The following SLC44A1 variants were observed in gnomAD, a reference collection of about 807,000 sequenced individuals.
SLC44A1 encodes the protein choline transporter-like protein 1.
SLC44A1 carries 26 observed loss-of-function variants against 79.3 expected under a neutral mutation model. The observed-to-expected ratio is 0.33, with a 90% CI of 0.24 to 0.46. The LOEUF is 0.46. SLC44A1 is among the 20% of genes least tolerant of loss of function. SLC44A1 has a pLI of 1.00. For missense variants in SLC44A1, 688 were observed against 798.1 expected (o/e 0.86, Z 1.66); for synonymous variants, 263 against 286.2 (o/e 0.92, Z 0.82).
At chr9:105,415,397 C>T (rs542241882) in intron 15 of SLC44A1, among the ~76,000 whole-genome samples, 2 of 152,288 alleles carry the variant, frequency 1.3e-5, no homozygotes, top group Non-Finnish European at 2.9e-5. Flanking sequence ...TTTAACAAAC[C>T]CCAACCCAGT....
At chr9:105,358,890 T>C (rs1285319482) in intron 7 of SLC44A1, among the ~76,000 whole-genome samples, 1 of 152,152 alleles carries the variant, frequency 6.6e-6, no homozygotes, top group East Asian at 1.9e-4. Flanking sequence ...CACAGTTGTT[T>C]TCAGAAAATA....
At chr9:105,329,621 C>G (rs999048969) in intron 3 of SLC44A1, among the ~76,000 whole-genome samples, 2 of 152,072 alleles carry the variant, frequency 1.3e-5, no homozygotes, top group East Asian at 3.9e-4. Context: ...TACGTGTTGC[C>G]TAATGGAAGA....
intron 15 of SLC44A1, among the ~76,000 whole-genome samples, chr9:105,419,136 G>T (rs984170269): frequency 6.6e-6 from 1 of 152,156 alleles, no homozygotes; most frequent in Admixed American, 6.5e-5. Context: ...GCTAGAGTTA[G>T]CATAGAGACA....
At position 105,354,039 on chromosome 9, in the gene SLC44A1, CTTTTTT is replaced by C. The variant is rs556502972; in HGVS notation, c.501-2149_501-2144del. Among the ~76,000 whole-genome samples the C allele has an allele frequency of 8.4e-3, 828 of 98,330 alleles. 5 individuals carry two copies. The highest frequency in any genetic ancestry group is 0.04 in the African/African-American group (792 of 19,618). 64.5% of individuals were successfully genotyped at this position (98,330 alleles called of 152,430 possible). ...TTGACTTAGAAATTTACAGTTAATC[CTTTTTT>C]TTTTTTTTTTTTTTTTTTTTTTTGA... On this transcript the variant is annotated intron_variant, in intron 5 of 15. Transcript: ENST00000374720.
At chr9:105,430,004 C>T (rs1829372130) in intron 15 of SLC44A1, among the ~76,000 whole-genome samples, 2 of 152,014 alleles carry the variant, frequency 1.3e-5, no homozygotes, top group Middle Eastern at 3.2e-3. Context: ...CTCCTCCTGC[C>T]TCAGTGATCC....
At chr9:105,278,032 G>A (rs1016743562) in intron 1 of SLC44A1, among the ~76,000 whole-genome samples, 1 of 151,292 alleles carries the variant, frequency 6.6e-6, no homozygotes, top group African/African-American at 2.4e-5. Flanking sequence ...TTAATCCATT[G>A]TTTCAATACA....
At chr9:105,279,312 G>T (rs1008709030) in intron 1 of SLC44A1, among the ~76,000 whole-genome samples, 6 of 146,986 alleles carry the variant, frequency 4.1e-5, no homozygotes, top group Non-Finnish European at 9.0e-5. Flanking sequence ...ACTAGGAAAA[G>T]AAAACTTTTT....
At chr9:105,353,789 A>G (rs1167692458) in intron 5 of SLC44A1, among the ~76,000 whole-genome samples, 2 of 152,206 alleles carry the variant, frequency 1.3e-5, no homozygotes, top group Admixed American at 6.5e-5. Flanking sequence ...TAAATCACAC[A>G]TGATAGGGTA....
At chr9:105,385,300 CTA>C in intron 14 of SLC44A1, 120 bp from the exon 15 acceptor site, 3 of 674,074 alleles carry the variant, frequency 4.5e-6, no homozygotes, top group South Asian at 3.9e-5. Context: ...TTATTTATTG[CTA>C]TGTTTTTAAG....
chr9:105,359,908 C>T (rs1827729968), intron 7 of SLC44A1, among the ~76,000 whole-genome samples: 1 of 152,172 alleles, frequency 6.6e-6, no homozygotes, highest in African/African-American at 2.4e-5. Flanking sequence ...CCTTTGATCT[C>T]ATTAACTCTT....
chr9:105,289,785 A>G (rs1419990051), intron 1 of SLC44A1, among the ~76,000 whole-genome samples: 1 of 151,644 alleles, frequency 6.6e-6, no homozygotes, highest in Non-Finnish European at 1.5e-5. Context: ...ATAAGTCATT[A>G]TAAGTCAGTT....
At chr9:105,426,161 C>G (rs1170995830) in intron 15 of SLC44A1, among the ~76,000 whole-genome samples, 1 of 152,098 alleles carries the variant, frequency 6.6e-6, no homozygotes, top group Non-Finnish European at 1.5e-5. Context: ...TCTATATAAA[C>G]CATTTAATAC....
intron 1 of SLC44A1, among the ~76,000 whole-genome samples, chr9:105,247,958 G>T (rs910451948): frequency 2.0e-5 from 3 of 152,134 alleles, no homozygotes; most frequent in African/African-American, 7.2e-5. Flanking sequence ...TGTTCTTTCA[G>T]TGGTACCATC....
chr9:105,277,869 C>T (rs1208334080), intron 1 of SLC44A1, among the ~76,000 whole-genome samples: 1 of 152,206 alleles, frequency 6.6e-6, no homozygotes, highest in Non-Finnish European at 1.5e-5. Context: ...CTAACTGGTA[C>T]TTGTTTCCAG....
Position 105,309,719 on chromosome 9 carries a change from C to T in SLC44A1, c.127-5C>T, listed in dbSNP as rs776939110. 2 of 1,613,088 alleles carry T rather than the reference C, an allele frequency of 1.2e-6. No individual in the cohort carries two copies. The highest frequency in any genetic ancestry group is 2.7e-5 in the African/African-American group (2 of 74,972). ...TTTGTATGTTTTTTTCTGTTTCTTTCCTAGGGATTTATTTGTGGCTTTTCA... is the reference window on the plus strand; with the variant it reads ...TTTGTATGTTTTTTTCTGTTTCTTTTCTAGGGATTTATTTGTGGCTTTTCA... On this transcript the variant is annotated splice_polypyrimidine_tract_variant and splice_region_variant and intron_variant, in intron 2 of 15. Coordinates refer to ENST00000374720, the MANE Select transcript of SLC44A1 (RefSeq NM_080546.5).
At chr9:105,376,311 GTA>G (rs1828280929) in intron 13 of SLC44A1, among the ~76,000 whole-genome samples, 6 of 76,404 alleles carry the variant, frequency 7.9e-5, no homozygotes, top group East Asian at 4.3e-4. Context: ...GTATATATAT[GTA>G]TACACACACA....
At chr9:105,266,300 A>G (rs141331192) in intron 1 of SLC44A1, among the ~76,000 whole-genome samples, 11 of 152,232 alleles carry the variant, frequency 7.2e-5, no homozygotes, top group African/African-American at 2.6e-4. Flanking sequence ...GTTTTGTGGT[A>G]TAAGTGAGTT....
At chr9:105,370,633 G>A (rs149333309) in intron 12 of SLC44A1, among the ~76,000 whole-genome samples, 4 of 152,002 alleles carry the variant, frequency 2.6e-5, no homozygotes, top group African/African-American at 9.7e-5. Flanking sequence ...AAACTAATGA[G>A]GGAAACAAAA....
Position 105,395,987 on chromosome 9 carries a change from G to A in SLC44A1, c.*6931G>A, listed in dbSNP as rs76786444. On this transcript the variant is annotated 3_prime_UTR_variant, in exon 16 of 16. Transcript: ENST00000374720. ...TTTGGGGGCTGGTGATTTGAAACAG[G>A]GACTATTAAGTAGATTTTCCCCCAT... 0.027 allele frequency: 26,703 copies of A among 984,886 alleles called. 384 individuals carry two copies. Among genetic ancestry groups the A allele is most frequent in the Non-Finnish European group, 0.029 (24,414 of 829,702 alleles). 61.0% of individuals were successfully genotyped at this position (984,886 alleles called of 1,614,324 possible).
Sources: gnomAD v4.1 joint callset for allele counts (sites outside exome capture counted in the v4.1 genomes callset) on GRCh38, gnomAD v4.1.1 for gene constraint, MANE v1.5 for transcripts, NCBI Gene and HGNC (gene_info 2026-07-23, HGNC 2026-07-21) for gene names.